The following CSPP1 variants were observed in gnomAD, a reference collection of about 807,000 sequenced individuals.
CSPP1 encodes the protein centrosome and spindle pole-associated protein 1.
In CSPP1, 126 loss-of-function variants were observed where a neutral mutation model predicts 164.4. That is an observed-to-expected ratio of 0.77 (90% CI 0.66 to 0.89). The LOEUF is 0.89. Ranked by LOEUF, CSPP1 falls within the 40% of genes least tolerant of loss-of-function variation. CSPP1 has a pLI of 0.00. For synonymous variants in CSPP1, 472 were observed against 476.7 expected, an observed-to-expected ratio of 0.99 and a Z score of 0.13; for missense variants, 1,395 against 1,449.8, an observed-to-expected ratio of 0.96 and a Z score of 0.61.
chr8:67,129,231 A>T (rs1820721259), intron 15 of CSPP1, among the ~76,000 whole-genome samples: 1 of 152,210 alleles, frequency 6.6e-6, no homozygotes. Flanking sequence ...TAATGATGAT[A>T]GATTTAAAAT....
intron 24 of CSPP1, among the ~76,000 whole-genome samples, chr8:67,165,919 T>C (rs999211584): frequency 2.0e-5 from 3 of 152,244 alleles, no homozygotes; most frequent in African/African-American, 7.2e-5. Flanking sequence ...ATACAGTTTT[T>C]AGAATTCTTC....
At position 67,137,436 on chromosome 8, in the gene CSPP1, A is replaced by G; in HGVS notation, c.1828-20A>G. On this transcript the variant is annotated intron_variant, in intron 16 of 30. Transcript: ENST00000678616. ...GAATACTTGTCAGCGTTTATTTTAAATATATCTTATGTTGTCAAGATTCGG... is the reference window on the plus strand; with the variant it reads ...GAATACTTGTCAGCGTTTATTTTAAGTATATCTTATGTTGTCAAGATTCGG... The G allele has an allele frequency of 7.0e-7, 1 of 1,421,904 alleles. No homozygotes were observed. The highest frequency in any genetic ancestry group is 9.5e-7 in the Non-Finnish European group (1 of 1,057,998). The allele number at this position is 1,421,904 out of a possible 1,614,324, so 88.1% of individuals were successfully genotyped here. A position where few individuals can be genotyped will look rare whatever the true frequency, so the allele number is the denominator to read the frequency against.
intron 17 of CSPP1, among the ~76,000 whole-genome samples, chr8:67,140,102 C>T (rs1280331414): frequency 6.6e-6 from 1 of 151,742 alleles, no homozygotes; most frequent in East Asian, 1.9e-4. Context: ...TTAATTTTTT[C>T]GAGACAGAGT....
At chr8:67,172,782 A>G (rs902052930) in intron 25 of CSPP1, 10 of 427,932 alleles carry the variant, frequency 2.3e-5, no homozygotes, top group South Asian at 2.3e-4. Flanking sequence ...ATACAGTGTT[A>G]AAGTCTGGAA....
intron 1 of CSPP1, 129 bp downstream of exon 1, chr8:67,064,667 A>G: frequency 5.2e-6 from 1 of 193,136 alleles, no homozygotes; most frequent in South Asian, 4.0e-5. Context: ...GCGACGTGCC[A>G]GAGTTACAGG....
intron 28 of CSPP1, among the ~76,000 whole-genome samples, chr8:67,183,843 ATTTTTTTTT>A (rs918103972): frequency 1.4e-4 from 15 of 108,214 alleles, no homozygotes; most frequent in African/African-American, 2.0e-4. Context: ...AAAATTGGGA[ATTTTTTTTT>A]TTTTTTTTTT....
intron 28 of CSPP1, among the ~76,000 whole-genome samples, chr8:67,180,145 T>C (rs769523134): frequency 1.2e-4 from 18 of 152,200 alleles, no homozygotes; most frequent in Non-Finnish European, 2.4e-4. Flanking sequence ...AACCTGTACA[T>C]GAATGTTCGT....
rs1321903210 is a variant in CSPP1, at chr8:67,154,120, A to AT, written c.2229dup (p.Leu744SerfsTer6). 1 of 1,539,906 alleles carries AT rather than the reference A, an allele frequency of 6.5e-7. No homozygotes were observed. Among genetic ancestry groups the AT allele is most frequent in the Admixed American group, 1.7e-5 (1 of 59,284 alleles). ...ATTAAACAGCAAGAATTATACAAGA[A>AT]TTTTCTTCGTTTCCAGGTGAAATGC... is the stretch of plus-strand genomic sequence containing the variant. On this transcript the variant is annotated frameshift_variant, in exon 19 of 31. Transcript: ENST00000678616. LOFTEE classifies it high-confidence loss of function.
chr8:67,096,212 G>A (rs1244611726), intron 7 of CSPP1, among the ~76,000 whole-genome samples: 1 of 152,174 alleles, frequency 6.6e-6, no homozygotes, highest in Non-Finnish European at 1.5e-5. Flanking sequence ...CTTGGATGAG[G>A]GGAAAAATAA....
At chr8:67,143,191 T>C (rs929430531) in intron 17 of CSPP1, among the ~76,000 whole-genome samples, 1 of 152,108 alleles carries the variant, frequency 6.6e-6, no homozygotes, top group African/African-American at 2.4e-5. Flanking sequence ...TTTCTCAGTC[T>C]TTCTGTCTCT....
chr8:67,064,742 G>A (rs1585744509), intron 1 of CSPP1: 1 of 506,564 alleles, frequency 2.0e-6, no homozygotes, highest in East Asian at 3.7e-5. Context: ...GGCTGGGTGC[G>A]GTGGGGGAGG....
intron 29 of CSPP1, among the ~76,000 whole-genome samples, chr8:67,191,618 T>C (rs967633799): frequency 1.3e-5 from 2 of 152,246 alleles, no homozygotes; most frequent in African/African-American, 4.8e-5. Flanking sequence ...CTCTTTAGTG[T>C]TGAATAATTT....
At chr8:67,089,711 A>T (rs532576796) in intron 4 of CSPP1, among the ~76,000 whole-genome samples, 16 of 152,264 alleles carry the variant, frequency 1.1e-4, no homozygotes, top group East Asian at 9.6e-4. Flanking sequence ...GTAGGCACTC[A>T]GTATTTATTG....
chr8:67,106,767 T>C (rs1815630989), intron 9 of CSPP1, among the ~76,000 whole-genome samples: 1 of 152,194 alleles, frequency 6.6e-6, no homozygotes, highest in African/African-American at 2.4e-5. Context: ...AATTTGGTTT[T>C]AGTAAAGTAT....
chr8:67,181,925 T>A (rs1198685613), intron 28 of CSPP1, among the ~76,000 whole-genome samples: 1 of 152,214 alleles, frequency 6.6e-6, no homozygotes, highest in African/African-American at 2.4e-5. Flanking sequence ...TCATACAGTA[T>A]CTATCCTTTG....
chr8:67,123,580 T>C (rs1206479542), intron 15 of CSPP1, among the ~76,000 whole-genome samples: 1 of 151,840 alleles, frequency 6.6e-6, no homozygotes, highest in East Asian at 1.9e-4. Context: ...ATTCCTCTAA[T>C]CCTCCTTTAT....
intron 7 of CSPP1, 63 bp from the exon 8 acceptor site, chr8:67,102,974 C>A: frequency 1.1e-6 from 1 of 922,052 alleles, no homozygotes; most frequent in Non-Finnish European, 1.7e-6. Context: ...GTAAAAACAC[C>A]AAACTGTTAT....
intron 22 of CSPP1, among the ~76,000 whole-genome samples, chr8:67,162,187 A>G (rs16933184): frequency 2.0e-3 from 302 of 152,340 alleles, no homozygotes; most frequent in Middle Eastern, 6.8e-3. Context: ...TTGAACTACA[A>G]GGAAAAGAGA....
In CSPP1 at chr8:67,098,176, A is replaced by G. The variant is rs535634312; in HGVS notation, c.923+2444A>G. Reference sequence around the variant, plus strand: ...CTGAGTTTCATCTCTTGCTCCAAGCATTTATTCTTAACATACTATGCAATC... The same window carrying G: ...CTGAGTTTCATCTCTTGCTCCAAGCGTTTATTCTTAACATACTATGCAATC... On this transcript the variant is annotated intron_variant, in intron 7 of 30. Transcript: ENST00000678616. Among the ~76,000 whole-genome samples the G allele has an allele frequency of 4.2e-3, 643 of 151,818 alleles. 9 individuals carry two copies. Among genetic ancestry groups the G allele is most frequent in the African/African-American group, 0.015 (609 of 41,514 alleles).
Sources: allele counts gnomAD v4.1 joint callset (sites outside exome capture counted in the v4.1 genomes callset), GRCh38; gene constraint gnomAD v4.1.1; transcripts MANE v1.5; gene names NCBI Gene and HGNC (gene_info 2026-07-23, HGNC 2026-07-21).